MOCOS: variants seen among roughly 807,000 people sequenced by gnomAD.
MOCOS encodes the protein human molybdenum cofactor sulfurase.
In MOCOS, 86 loss-of-function variants were observed where a neutral mutation model predicts 83.6. The ratio of observed to expected loss-of-function variants is 1.03; its 90% confidence interval spans 0.86 to 1.23. The LOEUF (loss-of-function observed/expected upper bound fraction) is 1.23. Ranked by LOEUF, MOCOS falls within the 50% of genes most tolerant of loss-of-function variation. MOCOS has a pLI of 0.00. For synonymous variants in MOCOS, 445 were observed against 434.7 expected, an observed-to-expected ratio of 1.02 and a Z score of -0.29; for missense variants, 1,120 against 1,126.9, an observed-to-expected ratio of 0.99 and a Z score of 0.09.
At chr18:36,251,593 C>T (rs1423751547) in intron 11 of MOCOS, among the ~76,000 whole-genome samples, 1 of 152,154 alleles carries the variant, frequency 6.6e-6, no homozygotes, top group Non-Finnish European at 1.5e-5. Context: ...TAATAGCTTG[C>T]TATGTCCTCA....
chr18:36,229,589 C>A (rs2091530326), intron 9 of MOCOS, among the ~76,000 whole-genome samples: 1 of 151,986 alleles, frequency 6.6e-6, no homozygotes, highest in Non-Finnish European at 1.5e-5. Context: ...AATAAGCTTT[C>A]TTTTCTTTTC....
intron 1 of MOCOS, among the ~76,000 whole-genome samples, chr18:36,188,276 C>T (rs145679144): frequency 6.6e-6 from 1 of 152,388 alleles, no homozygotes; most frequent in East Asian, 1.9e-4. Context: ...TCCCTCTGAG[C>T]TCCAGTTCTC....
intron 11 of MOCOS, among the ~76,000 whole-genome samples, chr18:36,252,199 T>C (rs1471046632): frequency 6.6e-6 from 1 of 152,092 alleles, no homozygotes. Flanking sequence ...TAGTGATCAG[T>C]TCCCAGAGGA....
Position 36,200,051 on chromosome 18 carries a change from G to C in MOCOS, c.668G>C (p.Arg223Pro). 3.1e-6 allele frequency: 5 copies of C among 1,614,188 alleles called. No individual in the cohort carries two copies. The highest frequency in any genetic ancestry group is 4.2e-6 in the Non-Finnish European group (5 of 1,180,036). ...LSWIEEVKSGRLHPVSTPGKW... is the reference protein window; with the variant it reads ...LSWIEEVKSGPLHPVSTPGKW... ...TGGATAGAAGAGGTCAAGTCTGGGCGGTTGCACCCTGTGAGCACGCCTGGG... is the reference window on the plus strand; with the variant it reads ...TGGATAGAAGAGGTCAAGTCTGGGCCGTTGCACCCTGTGAGCACGCCTGGG... Residue 223 changes from arginine to proline, a missense_variant, in exon 4 of 15, where the codon CGG becomes CCG. Physicochemically the swap from Arg to Pro is moderately radical, Grantham distance 103 (BLOSUM62 -2). Transcript: ENST00000261326.
intron 11 of MOCOS, 100 bp from the exon 12 acceptor site, chr18:36,256,868 A>T: frequency 1.9e-6 from 2 of 1,058,670 alleles, no homozygotes; most frequent in Non-Finnish European, 3.0e-6. Flanking sequence ...TCCCTTGTAG[A>T]AATAGTCTCT....
intron 5 of MOCOS, among the ~76,000 whole-genome samples, chr18:36,203,777 T>G (rs2091423909): frequency 6.6e-6 from 1 of 152,216 alleles, no homozygotes. Flanking sequence ...AACCTTAGCC[T>G]TAGCCCAACA....
chr18:36,205,111 C>T lies in MOCOS; in HGVS notation c.1053C>T (p.Thr351=), dbSNP rs770274567. Residue 351 remains threonine, a synonymous_variant, in exon 6 of 15, where the codon ACC becomes ACT. Transcript: ENST00000261326. ...AGAATATAAAGCAGCACACCTTCAC[C>T]TTGGCTCAGTATACCTACGTGGCCC... ...GMENIKQHTF[T]LAQYTYVALS... is the part of the protein sequence containing the mutation. 6.2e-7 allele frequency: 1 copy of T among 1,613,174 alleles called. No individual in the cohort carries two copies. The highest frequency in any genetic ancestry group is 8.5e-7 in the Non-Finnish European group (1 of 1,179,544).
At chr18:36,210,850 CAAAAAAAAAAAAAAA>C (rs60856965) in intron 6 of MOCOS, among the ~76,000 whole-genome samples, 1 of 48,070 alleles carries the variant, frequency 2.1e-5, no homozygotes, top group African/African-American at 9.2e-5. Flanking sequence ...GACTCTGTCT[CAAAAAAAAAAAAAAA>C]AAAAAAAAAA....
In MOCOS at chr18:36,250,421, T is replaced by C. The variant is rs187384924; in HGVS notation, c.2040-738T>C. ...CCCCAGTCGTTAGTGCTCTGGGTGATAGGCAGAGGATCACTCTGGGAGTGT... is the reference window on the plus strand; with the variant it reads ...CCCCAGTCGTTAGTGCTCTGGGTGACAGGCAGAGGATCACTCTGGGAGTGT... On this transcript the variant is annotated intron_variant, in intron 10 of 14. Transcript: ENST00000261326. Among the ~76,000 whole-genome samples, 13 of 152,254 alleles carry C rather than the reference T, an allele frequency of 8.5e-5. No homozygotes were observed. The East Asian group carries it at 1.7e-3, about 20-fold the overall frequency.
intron 12 of MOCOS, among the ~76,000 whole-genome samples, chr18:36,259,785 C>T (rs2091656774): frequency 6.6e-6 from 1 of 152,194 alleles, no homozygotes; most frequent in Admixed American, 6.5e-5. Context: ...GATCTGCTCG[C>T]CCTTTGCCTG....
chr18:36,195,398 A>G, intron 2 of MOCOS, 52 bp downstream of exon 2: 1 of 1,432,422 alleles, frequency 7.0e-7, no homozygotes, highest in Non-Finnish European at 9.9e-7. Flanking sequence ...CAGCTGATAT[A>G]CCTGTGCATG....
intron 1 of MOCOS, among the ~76,000 whole-genome samples, chr18:36,191,278 C>T (rs1183157685): frequency 6.6e-6 from 1 of 152,132 alleles, no homozygotes; most frequent in Non-Finnish European, 1.5e-5. Flanking sequence ...TGAGAATGGA[C>T]TGATACAACA....
intron 9 of MOCOS, among the ~76,000 whole-genome samples, chr18:36,232,339 A>G (rs1395354701): frequency 6.6e-6 from 1 of 152,194 alleles, no homozygotes; most frequent in East Asian, 1.9e-4. Context: ...TTAATTTTGA[A>G]CAGATACAGT....
Position 36,187,609 on chromosome 18 carries a change from C to T in MOCOS, c.70C>T (p.Pro24Ser). The part of the protein sequence containing the change: ...TFAGSRDPSA[P>S]RLAYGYGPGS... ...CGCGGGTTCCCGGGACCCGAGCGCA[C>T]CGCGGCTAGCCTACGGCTACGGCCC... The change falls in exon 1 of 15, where the codon CCG becomes TCG. Residue 24 changes from proline to serine, a missense_variant. Coordinates refer to ENST00000261326, the MANE Select transcript of MOCOS (RefSeq NM_017947.4). 5.6e-6 allele frequency: 7 copies of T among 1,249,726 alleles called. No individual in the cohort carries two copies. Among genetic ancestry groups the T allele is most frequent in the Non-Finnish European group, 7.0e-6 (7 of 996,718 alleles). 77.4% of individuals were successfully genotyped at this position (1,249,726 alleles called of 1,614,324 possible). A position where few individuals can be genotyped will look rare whatever the true frequency, so the allele number is the denominator to read the frequency against.
At position 36,270,226 on chromosome 18, in the gene MOCOS, A is replaced by C. The variant is rs2091694875; in HGVS notation, c.*1541A>C. On this transcript the variant is annotated 3_prime_UTR_variant, in exon 15 of 15. Transcript: ENST00000261326. ...AGACTCAGCACTGCCACATCATATG[A>C]GTGGACTTGTCCTCATCAGCTAACT... is the stretch of plus-strand genomic sequence containing the variant. 1 of 152,206 alleles carries C rather than the reference A, an allele frequency of 6.6e-6. No individual in the cohort carries two copies. The highest frequency in any genetic ancestry group is 2.4e-5 in the African/African-American group (1 of 41,426). 9.4% of individuals were successfully genotyped at this position (152,206 alleles called of 1,614,324 possible). A position where few individuals can be genotyped will look rare whatever the true frequency, so the allele number is the denominator to read the frequency against.
At chr18:36,224,657 C>T (rs2091508748) in intron 9 of MOCOS, among the ~76,000 whole-genome samples, 1 of 151,868 alleles carries the variant, frequency 6.6e-6, no homozygotes. Context: ...GTGTATGATC[C>T]TTTTAATGTA....
intron 9 of MOCOS, among the ~76,000 whole-genome samples, chr18:36,246,911 T>C (rs939835882): frequency 6.6e-6 from 1 of 152,102 alleles, no homozygotes; most frequent in Admixed American, 6.6e-5. Context: ...AACAGGGCCA[T>C]AGAGCTCCCA....
rs1427120308 is a variant in MOCOS, at chr18:36,237,626, T to C, written c.1961-11296T>C. ...GTTGTGTCTCTGCCTGGCTTTGGTA[T>C]CAGAATGATGCTGGCCTCATAAAAT... is the stretch of plus-strand genomic sequence containing the variant. On this transcript the variant is annotated intron_variant, in intron 9 of 14. Transcript: ENST00000261326. 7.2e-4 allele frequency among the ~76,000 whole-genome samples: 109 copies of C among 152,284 alleles called. 1 individual carries two copies. The highest frequency in any genetic ancestry group is 1.8e-3 in the Admixed American group (28 of 15,302).
At chr18:36,255,961 C>T (rs1333388916) in intron 11 of MOCOS, among the ~76,000 whole-genome samples, 7 of 144,204 alleles carry the variant, frequency 4.9e-5, no homozygotes, top group Middle Eastern at 3.7e-3. Flanking sequence ...AGTGTGATCT[C>T]GGCTCACTGC....
Sources: allele counts gnomAD v4.1 joint callset (sites outside exome capture counted in the v4.1 genomes callset), GRCh38; gene constraint gnomAD v4.1.1; transcripts MANE v1.5; gene names NCBI Gene and HGNC (gene_info 2026-07-23, HGNC 2026-07-21).